The following CFAP47 variants were observed in gnomAD, a reference collection of about 807,000 sequenced individuals.
The protein encoded by CFAP47 is cilia- and flagella-associated protein 47.
CFAP47 carries 29 observed loss-of-function variants against 148.1 expected under a neutral mutation model. The observed-to-expected ratio is 0.20, with a 90% CI of 0.15 to 0.27. CFAP47 has a LOEUF of 0.27. CFAP47 is among the 10% of genes least tolerant of loss of function. CFAP47 has a pLI of 1.00. For synonymous variants in CFAP47, 664 were observed against 577.3 expected (o/e 1.15, Z -2.15); for missense variants, 1,872 against 1,697.5 (o/e 1.10, Z -1.81).
chrX:36,064,213 A>C (rs1475300556), intron 26 of CFAP47, among the ~76,000 whole-genome samples: 1 of 112,468 alleles, frequency 8.9e-6, no homozygotes, highest in Non-Finnish European at 1.9e-5. Context: ...CAAGTGCACA[A>C]TTTGTAGAAG....
intron 37 of CFAP47, among the ~76,000 whole-genome samples, chrX:36,152,406 A>T (rs149952609): frequency 1.0e-3 from 114 of 111,830 alleles, no homozygotes; most frequent in African/African-American, 3.5e-3. Context: ...TTTGATTAGT[A>T]TCTCCTCATT....
At chrX:36,203,192 G>A (rs782071364) in intron 44 of CFAP47, among the ~76,000 whole-genome samples, 9 of 111,091 alleles carry the variant, frequency 8.1e-5, no homozygotes, top group Non-Finnish European at 1.7e-4. Flanking sequence ...AGAAGTTGAT[G>A]GTTTTCTTTA....
intron 21 of CFAP47, among the ~76,000 whole-genome samples, chrX:36,004,801 G>T (rs759718004): frequency 9.0e-6 from 1 of 110,509 alleles, no homozygotes; most frequent in Non-Finnish European, 1.9e-5. Context: ...CTTAATTACG[G>T]TGATGATTGC....
chrX:36,289,864 T>C (rs990369364), intron 51 of CFAP47, among the ~76,000 whole-genome samples: 5 of 111,730 alleles, frequency 4.5e-5, no homozygotes, highest in Non-Finnish European at 9.4e-5. Context: ...AGGCCGTGCC[T>C]AGAGTTAAAT....
chrX:36,015,873 TAA>T (rs1029963036), intron 22 of CFAP47, among the ~76,000 whole-genome samples: 3 of 112,151 alleles, frequency 2.7e-5, no homozygotes, highest in African/African-American at 9.7e-5. Flanking sequence ...TTCAAATATT[TAA>T]AGTGTTCTTA....
chrX:36,224,036 T>G (rs112160227), intron 45 of CFAP47, among the ~76,000 whole-genome samples: 4,329 of 111,045 alleles, frequency 0.039, 240 homozygotes, highest in African/African-American at 0.13. Flanking sequence ...AAAAATTGTT[T>G]TAAAAATTGA....
intron 7 of CFAP47, among the ~76,000 whole-genome samples, chrX:35,953,927 G>A (rs966729298): frequency 9.0e-6 from 1 of 111,210 alleles, no homozygotes; most frequent in Admixed American, 9.5e-5. Context: ...TTTCCAGGTT[G>A]GAAGTTAGGT....
intron 57 of CFAP47, among the ~76,000 whole-genome samples, chrX:36,325,065 A>G (rs1297614964): frequency 2.7e-5 from 3 of 111,328 alleles, no homozygotes; most frequent in African/African-American, 6.5e-5. Flanking sequence ...ACTCTTCCTC[A>G]ACATTTCTGT....
At chrX:36,349,821 C>T (rs1941727888) in intron 58 of CFAP47, among the ~76,000 whole-genome samples, 2 of 111,441 alleles carry the variant, frequency 1.8e-5, no homozygotes, top group East Asian at 5.7e-4. Context: ...ATGATGGTTT[C>T]ATTACAGTTT....
intron 8 of CFAP47, among the ~76,000 whole-genome samples, chrX:35,957,229 G>C (rs1416597982): frequency 3.4e-5 from 3 of 87,475 alleles, no homozygotes; most frequent in African/African-American, 1.4e-4. Context: ...AAAAAAAAAA[G>C]ACTTAAGTGG....
chrX:36,135,013 C>T (rs1215352484), intron 33 of CFAP47, among the ~76,000 whole-genome samples: 3 of 111,103 alleles, frequency 2.7e-5, no homozygotes, highest in Non-Finnish European at 5.7e-5. Flanking sequence ...AATCTCTTTT[C>T]CAGCTGTTTC....
In CFAP47 at chrX:35,919,914, C is replaced by A. The variant is rs1225501005; in HGVS notation, c.115C>A (p.Gln39Lys). The change falls in exon 1 of 64, where the codon CAG (glutamine) becomes AAG (lysine). Residue 39 changes from glutamine to lysine, a missense_variant. Gln to Lys is a moderately conservative substitution (Grantham distance 53, BLOSUM62 1). Coordinates refer to ENST00000378653, the MANE Select transcript of CFAP47 (RefSeq NM_001304548.2). The part of the protein sequence containing the change: ...RDMDSSGRDM[Q>K]LRVIPAEVKF... Reference sequence around the variant, plus strand: ...TATGGATAGCTCGGGTAGAGACATGCAGCTGCGGGTGATCCCGGCTGAGGT... The same window carrying A: ...TATGGATAGCTCGGGTAGAGACATGAAGCTGCGGGTGATCCCGGCTGAGGT... 2 of 1,211,171 alleles carry A rather than the reference C, an allele frequency of 1.7e-6. No homozygotes were observed. Among genetic ancestry groups the A allele is most frequent in the East Asian group, 5.9e-5 (2 of 33,799 alleles).
At chrX:36,173,653 T>C (rs1311629004) in intron 39 of CFAP47, among the ~76,000 whole-genome samples, 3 of 112,390 alleles carry the variant, frequency 2.7e-5, no homozygotes, top group East Asian at 2.8e-4. Context: ...GATTGCACTG[T>C]GGTCTGGGAG....
intron 29 of CFAP47, among the ~76,000 whole-genome samples, chrX:36,074,781 C>G (rs1373452692): frequency 9.0e-6 from 1 of 111,279 alleles, no homozygotes; most frequent in Non-Finnish European, 1.9e-5. Context: ...TGACCAACAT[C>G]TCTCGGGTCC....
chrX:36,171,702 C>G (rs1939581932), intron 39 of CFAP47, among the ~76,000 whole-genome samples: 1 of 111,648 alleles, frequency 9.0e-6, no homozygotes, highest in South Asian at 3.8e-4. Flanking sequence ...TTACTGTAGC[C>G]TTGTAATATA....
At chrX:36,167,908 T>A in intron 39 of CFAP47, among the ~76,000 whole-genome samples, 1 of 111,667 alleles carries the variant, frequency 9.0e-6, no homozygotes, top group Non-Finnish European at 1.9e-5. Flanking sequence ...TGGGTTTCCT[T>A]GTTTGTTTGT....
At position 36,144,746 on chromosome X, in the gene CFAP47, C is replaced by A. The variant is rs147000338; in HGVS notation, c.5536-473C>A. On this transcript the variant is annotated intron_variant, in intron 35 of 63. Coordinates refer to ENST00000378653, the MANE Select transcript of CFAP47 (RefSeq NM_001304548.2). ...TTTGTTTGTTCTTTTTTATTTTTGTCGTGATCTCTTTCTCCCTTTGGAGCA... is the reference window on the plus strand; with the variant it reads ...TTTGTTTGTTCTTTTTTATTTTTGTAGTGATCTCTTTCTCCCTTTGGAGCA... 8 of 1,024,535 alleles carry A rather than the reference C, an allele frequency of 7.8e-6. 1 individual carries two copies. In the South Asian group the frequency reaches 1.5e-4, roughly 19 times the overall value. 84.4% of individuals were successfully genotyped at this position (1,024,535 alleles called of 1,213,427 possible). A position where few individuals can be genotyped will look rare whatever the true frequency, so the allele number is the denominator to read the frequency against.
chrX:36,180,906 A>G (rs1446242782), intron 40 of CFAP47, among the ~76,000 whole-genome samples: 1 of 112,287 alleles, frequency 8.9e-6, no homozygotes, highest in East Asian at 2.8e-4. Flanking sequence ...CAGGTATTTT[A>G]TGTTAATTTC....
intron 29 of CFAP47, among the ~76,000 whole-genome samples, chrX:36,084,730 A>C (rs2146775629): frequency 8.9e-6 from 1 of 112,124 alleles, no homozygotes; most frequent in South Asian, 3.7e-4. Flanking sequence ...AGATTGCAGT[A>C]TCTGATTTAA....
Sources: gnomAD v4.1 joint callset for allele counts (sites outside exome capture counted in the v4.1 genomes callset) on GRCh38, gnomAD v4.1.1 for gene constraint, MANE v1.5 for transcripts, NCBI Gene and HGNC (gene_info 2026-07-23, HGNC 2026-07-21) for gene names.